Variants in PTPRD observed in about 807,000 individuals in gnomAD.
PTPRD encodes the protein protein tyrosine phosphatase receptor type D.
A neutral mutation model predicts 214.5 loss-of-function variants in PTPRD; 34 were observed. The observed-to-expected ratio is 0.16, with a 90% CI of 0.12 to 0.21. PTPRD has a LOEUF of 0.21. PTPRD is among the 10% of genes least tolerant of loss of function. The pLI is 1.00. For missense variants in PTPRD, 2,545 were observed against 2,398.7 expected (o/e 1.06, Z -1.27); for synonymous variants, 1,128 against 845.7 (o/e 1.33, Z -5.79).
chr9:10,231,419 C>G (rs2099609327), intron 3 of PTPRD, among the ~76,000 whole-genome samples: 1 of 151,810 alleles, frequency 6.6e-6, no homozygotes, highest in Non-Finnish European at 1.5e-5. Context: ...AAAAACCAGT[C>G]AAGCTAAGTA....
intron 14 of PTPRD, among the ~76,000 whole-genome samples, chr9:8,598,387 G>T (rs1340207423): frequency 6.6e-6 from 1 of 151,974 alleles, no homozygotes; most frequent in Non-Finnish European, 1.5e-5. Flanking sequence ...CTTAAACCCA[G>T]GAGGCAGAGG....
intron 3 of PTPRD, among the ~76,000 whole-genome samples, chr9:10,311,787 G>C (rs1010674457): frequency 6.6e-6 from 1 of 152,002 alleles, no homozygotes; most frequent in African/African-American, 2.4e-5. Flanking sequence ...AACTAGGTTA[G>C]CCATAATGTG....
At chr9:10,200,702 A>C (rs1003400540) in intron 3 of PTPRD, among the ~76,000 whole-genome samples, 1 of 152,118 alleles carries the variant, frequency 6.6e-6, no homozygotes, top group Non-Finnish European at 1.5e-5. Context: ...AACAGTTACA[A>C]TCATGCAGAG....
chr9:8,632,950 A>T (rs2096298212), intron 14 of PTPRD, among the ~76,000 whole-genome samples: 1 of 152,014 alleles, frequency 6.6e-6, no homozygotes, highest in Non-Finnish European at 1.5e-5. Flanking sequence ...CAGCTGTGGT[A>T]GTTGTAAAAA....
intron 3 of PTPRD, among the ~76,000 whole-genome samples, chr9:10,203,714 C>A (rs540049696): frequency 2.0e-5 from 3 of 152,216 alleles, no homozygotes; most frequent in African/African-American, 7.2e-5. Context: ...AGTGCATGCA[C>A]ATACCTAAAA....
At chr9:9,513,260 T>C (rs181201794) in intron 8 of PTPRD, among the ~76,000 whole-genome samples, 2 of 152,136 alleles carry the variant, frequency 1.3e-5, no homozygotes, top group East Asian at 3.9e-4. Context: ...TAAAACTATG[T>C]AAGTGCTAAA....
intron 10 of PTPRD, among the ~76,000 whole-genome samples, chr9:9,037,723 G>A (rs935627840): frequency 6.6e-6 from 1 of 152,068 alleles, no homozygotes; most frequent in African/African-American, 2.4e-5. Flanking sequence ...ATGGCCACAG[G>A]GAAATCCACA....
intron 2 of PTPRD, among the ~76,000 whole-genome samples, chr9:10,394,145 T>A (rs2098125385): frequency 1.4e-5 from 2 of 145,840 alleles, no homozygotes; most frequent in South Asian, 4.2e-4. Flanking sequence ...TATATAAAGA[T>A]ATCTATATAT....
chr9:9,760,677 G>A (rs922104277), intron 6 of PTPRD, among the ~76,000 whole-genome samples: 7 of 147,284 alleles, frequency 4.8e-5, no homozygotes, highest in Non-Finnish European at 8.9e-5. Context: ...TTCCAGCACT[G>A]TTCATACGTG....
intron 2 of PTPRD, among the ~76,000 whole-genome samples, chr9:10,377,218 T>C (rs891255427): frequency 6.6e-6 from 1 of 152,164 alleles, no homozygotes; most frequent in Non-Finnish European, 1.5e-5. Flanking sequence ...ATCCATGTTG[T>C]TGCAAATGAC....
In PTPRD at chr9:9,372,613, G is replaced by A. The variant is rs546578294; in HGVS notation, c.-203+24836C>T. On this transcript the variant is annotated intron_variant, in intron 9 of 45. Coordinates refer to ENST00000381196, the MANE Select transcript of PTPRD (RefSeq NM_002839.4). ...TAATTGGAGGATTTAGCCCATTTACGTTTAAGGTTAATATTGTTATGTGTG... is the reference window on the plus strand; with the variant it reads ...TAATTGGAGGATTTAGCCCATTTACATTTAAGGTTAATATTGTTATGTGTG... Among the ~76,000 whole-genome samples the A allele has an allele frequency of 7.7e-4, 117 of 152,008 alleles. 1 individual carries two copies. The highest frequency in any genetic ancestry group is 2.5e-3 in the African/African-American group (103 of 41,466).
At chr9:9,913,813 ACT>A (rs2079902350) in intron 5 of PTPRD, among the ~76,000 whole-genome samples, 1 of 151,222 alleles carries the variant, frequency 6.6e-6, no homozygotes, top group Non-Finnish European at 1.5e-5. Context: ...CAAGGTGTGT[ACT>A]CTCTCCCTCC....
chr9:10,227,224 G>A (rs568583376), intron 3 of PTPRD, among the ~76,000 whole-genome samples: 3 of 152,094 alleles, frequency 2.0e-5, no homozygotes, highest in South Asian at 2.1e-4. Context: ...TCTAGTGTGA[G>A]AGGATGTGAA....
chr9:9,019,318 AAG>A (rs2099552189), intron 10 of PTPRD, among the ~76,000 whole-genome samples: 1 of 107,918 alleles, frequency 9.3e-6, no homozygotes, highest in East Asian at 2.9e-4. Flanking sequence ...GAAAGAAAGA[AAG>A]AAAGAAAGAA....
chr9:8,692,006 G>A (rs1375099939), intron 12 of PTPRD, among the ~76,000 whole-genome samples: 1 of 151,914 alleles, frequency 6.6e-6, no homozygotes, highest in Non-Finnish European at 1.5e-5. Context: ...TCTACTTCCT[G>A]GATTTTTACT....
intron 14 of PTPRD, among the ~76,000 whole-genome samples, chr9:8,596,196 C>T (rs141707437): frequency 6.6e-6 from 1 of 151,910 alleles, no homozygotes; most frequent in Non-Finnish European, 1.5e-5. Flanking sequence ...TAGTATTTTG[C>T]ATATCATGAA....
intron 10 of PTPRD, among the ~76,000 whole-genome samples, chr9:9,141,762 T>C (rs1473362438): frequency 6.6e-6 from 1 of 151,006 alleles, no homozygotes; most frequent in Non-Finnish European, 1.5e-5. Context: ...CTCATGCATA[T>C]TAATATAAAC....
chr9:9,833,811 T>C (rs2055834528), intron 5 of PTPRD, among the ~76,000 whole-genome samples: 1 of 152,076 alleles, frequency 6.6e-6, no homozygotes, highest in Non-Finnish European at 1.5e-5. Context: ...GGCTCTGTTC[T>C]GCCCGGCTCA....
intron 2 of PTPRD, among the ~76,000 whole-genome samples, chr9:10,460,625 G>A (rs372831923): frequency 2.0e-5 from 3 of 152,022 alleles, no homozygotes; most frequent in Admixed American, 6.6e-5. Flanking sequence ...ATGAGGAAAG[G>A]ACAATGTCTT....
Sources: gnomAD v4.1 joint callset for allele counts (sites outside exome capture counted in the v4.1 genomes callset) on GRCh38, gnomAD v4.1.1 for gene constraint, MANE v1.5 for transcripts, NCBI Gene and HGNC (gene_info 2026-07-23, HGNC 2026-07-21) for gene names.